UVRAG: variants seen among roughly 807,000 people sequenced by gnomAD.
UVRAG encodes UV radiation resistance-associated gene protein.
A neutral mutation model predicts 78.0 loss-of-function variants in UVRAG; 19 were observed. That is an observed-to-expected ratio of 0.24 (90% confidence interval 0.17 to 0.36). The LOEUF is 0.36. Among genes scored for constraint, UVRAG ranks in the 10% least tolerant of loss-of-function variants. UVRAG has a pLI of 1.00. For synonymous variants in UVRAG, 323 were observed against 324.6 expected (o/e 1.00, Z 0.05); for missense variants, 740 against 853.8 (o/e 0.87, Z 1.66).
intron 8 of UVRAG, among the ~76,000 whole-genome samples, chr11:75,988,831 T>C (rs1949548857): frequency 1.3e-5 from 2 of 152,320 alleles, no homozygotes; most frequent in Non-Finnish European, 2.9e-5. Context: ...GAGCATCTTT[T>C]CTTGTGCTTA....
At chr11:76,057,738 G>A (rs1951009642) in intron 12 of UVRAG, among the ~76,000 whole-genome samples, 1 of 151,088 alleles carries the variant, frequency 6.6e-6, no homozygotes, top group African/African-American at 2.4e-5. Flanking sequence ...CCCCTCTTTA[G>A]TCTTGGCAGG....
chr11:76,094,523 C>G (rs1231866239), intron 13 of UVRAG, among the ~76,000 whole-genome samples: 1 of 152,132 alleles, frequency 6.6e-6, no homozygotes, highest in Non-Finnish European at 1.5e-5. Context: ...TCAATTATTG[C>G]CTCAATTTCA....
Position 75,912,149 on chromosome 11 carries a change from C to T in UVRAG, c.593+110C>T, listed in dbSNP as rs1236540889. ...GAAGCTTTAGAGGCTGTTATTCAAGCTTAGCATTTTTTAGTGCAAGCGTCA... is the reference window on the plus strand; with the variant it reads ...GAAGCTTTAGAGGCTGTTATTCAAGTTTAGCATTTTTTAGTGCAAGCGTCA... On this transcript the variant is annotated intron_variant, in intron 6 of 14. Coordinates refer to ENST00000356136, the MANE Select transcript of UVRAG (RefSeq NM_003369.4). 27 of 776,430 alleles carry T rather than the reference C, an allele frequency of 3.5e-5. No individual in the cohort carries two copies. In the South Asian group the frequency reaches 4.3e-4, roughly 12 times the overall value. 48.1% of individuals were successfully genotyped at this position (776,430 alleles called of 1,614,324 possible). A position where few individuals can be genotyped will look rare whatever the true frequency, so the allele number is the denominator to read the frequency against.
At chr11:76,073,333 G>T (rs1951349199) in intron 13 of UVRAG, among the ~76,000 whole-genome samples, 1 of 152,070 alleles carries the variant, frequency 6.6e-6, no homozygotes, top group Non-Finnish European at 1.5e-5. Flanking sequence ...TTGAAAGAAT[G>T]ACTGACAAAT....
At chr11:75,833,831 A>C (rs1026218810) in intron 1 of UVRAG, among the ~76,000 whole-genome samples, 1 of 152,242 alleles carries the variant, frequency 6.6e-6, no homozygotes, top group African/African-American at 2.4e-5. Context: ...CAGATCGCTC[A>C]TGTTATTGTT....
chr11:75,947,701 G>A (rs1313375237), intron 6 of UVRAG, among the ~76,000 whole-genome samples: 1 of 152,158 alleles, frequency 6.6e-6, no homozygotes, highest in East Asian at 1.9e-4. Context: ...TTGTGGGTGG[G>A]AAATAAGCAG....
chr11:75,951,496 C>T (rs1363337531), intron 6 of UVRAG, among the ~76,000 whole-genome samples: 1 of 152,084 alleles, frequency 6.6e-6, no homozygotes, highest in Non-Finnish European at 1.5e-5. Flanking sequence ...AATTCTTCTG[C>T]CTCAGCCTCC....
chr11:75,922,901 C>T (rs1948007049), intron 6 of UVRAG, among the ~76,000 whole-genome samples: 1 of 149,772 alleles, frequency 6.7e-6, no homozygotes. Context: ...CCACTGCACC[C>T]CAGTCTGGGC....
chr11:75,821,381 GC>G (rs1945382901), intron 1 of UVRAG, among the ~76,000 whole-genome samples: 1 of 152,114 alleles, frequency 6.6e-6, no homozygotes, highest in Admixed American at 6.5e-5. Flanking sequence ...TCACTCTGTT[GC>G]CCAGGCTAAA....
intron 2 of UVRAG, among the ~76,000 whole-genome samples, chr11:75,858,445 G>A (rs1219675124): frequency 6.6e-6 from 1 of 151,970 alleles, no homozygotes; most frequent in African/African-American, 2.4e-5. Flanking sequence ...CAGCATCCCT[G>A]TATTTTGTTT....
intron 11 of UVRAG, among the ~76,000 whole-genome samples, chr11:76,009,156 C>CT (rs1249597655): frequency 6.6e-6 from 1 of 152,028 alleles, no homozygotes; most frequent in Admixed American, 6.6e-5. Flanking sequence ...ATCGCCCTTC[C>CT]TTTTGGTTTG....
At chr11:76,003,206 A>G (rs1424135308) in intron 8 of UVRAG, among the ~76,000 whole-genome samples, 4 of 150,634 alleles carry the variant, frequency 2.7e-5, no homozygotes, top group Admixed American at 1.3e-4. Context: ...AAAATAGTTG[A>G]AAAATCAGAA....
chr11:75,951,364 TA>T lies in UVRAG; in HGVS notation c.594-10079del, dbSNP rs1344548110. On this transcript the variant is annotated intron_variant, in intron 6 of 14. Transcript: ENST00000356136. Reference sequence around the variant, plus strand: ...GTGTGTGTGTGTGTGTGTGTGTATATATTTTTTGTTTGTTTGTTTGTTTGTT... The same window carrying T: ...GTGTGTGTGTGTGTGTGTGTGTATATTTTTTTGTTTGTTTGTTTGTTTGTT... Among the ~76,000 whole-genome samples, 587 of 149,342 alleles carry T rather than the reference TA, an allele frequency of 3.9e-3. 3 individuals are homozygous for T. The highest frequency in any genetic ancestry group is 0.014 in the African/African-American group (562 of 39,306).
chr11:76,128,588 G>C (rs778586077), intron 14 of UVRAG, among the ~76,000 whole-genome samples: 48 of 152,060 alleles, frequency 3.2e-4, no homozygotes, highest in Admixed American at 9.8e-4. Context: ...TATGACCTTG[G>C]GTGCCAGGCA....
intron 13 of UVRAG, among the ~76,000 whole-genome samples, chr11:76,095,597 G>A (rs944252124): frequency 6.6e-6 from 1 of 150,764 alleles, no homozygotes. Context: ...GCTGGGTGTG[G>A]TATCTCTTGC....
chr11:75,961,353 A>G (rs942348331), intron 6 of UVRAG, 91 bp from the exon 7 acceptor site: 13 of 912,370 alleles, frequency 1.4e-5, no homozygotes, highest in Admixed American at 8.6e-5. Flanking sequence ...TATTAATTCT[A>G]TGTATCCTCC....
intron 6 of UVRAG, among the ~76,000 whole-genome samples, chr11:75,924,790 G>T (rs958663459): frequency 6.6e-6 from 1 of 152,036 alleles, no homozygotes. Context: ...CCTCTTATAG[G>T]CAATTATGCT....
chr11:75,882,351 A>C (rs1590971205), intron 4 of UVRAG, among the ~76,000 whole-genome samples: 1 of 151,972 alleles, frequency 6.6e-6, no homozygotes, highest in Non-Finnish European at 1.5e-5. Context: ...TGTCTCTACT[A>C]AAAATACAAA....
intron 13 of UVRAG, among the ~76,000 whole-genome samples, chr11:76,091,832 T>C (rs1359081538): frequency 6.6e-6 from 1 of 151,958 alleles, no homozygotes; most frequent in African/African-American, 2.4e-5. Flanking sequence ...CCCGATTGTA[T>C]ATTTGTTTTT....
Sources: allele counts gnomAD v4.1 joint callset (sites outside exome capture counted in the v4.1 genomes callset), GRCh38; gene constraint gnomAD v4.1.1; transcripts MANE v1.5; gene names NCBI Gene and HGNC (gene_info 2026-07-23, HGNC 2026-07-21).